Variants in FARS2 observed in about 807,000 individuals in gnomAD.
FARS2 encodes phenylalanine--tRNA ligase, mitochondrial.
Under a neutral mutation model 46.4 loss-of-function variants are expected in FARS2, and 40 were observed. The observed-to-expected ratio is 0.86, with a 90% CI of 0.67 to 1.12. FARS2 has a LOEUF of 1.12. FARS2 is among the 50% of genes most tolerant of loss of function. The pLI is 0.00. For synonymous variants in FARS2, 234 were observed against 214.9 expected (o/e 1.09, Z -0.78); for missense variants, 513 against 567.9 (o/e 0.90, Z 0.98).
At chr6:5,556,975 T>G (rs1561710892) in intron 5 of FARS2, among the ~76,000 whole-genome samples, 2 of 152,156 alleles carry the variant, frequency 1.3e-5, no homozygotes, top group African/African-American at 4.8e-5. Flanking sequence ...AGAGGGATAC[T>G]TTTATACTGC....
At chr6:5,301,653 A>G (rs1185633778) in intron 1 of FARS2, among the ~76,000 whole-genome samples, 9 of 152,320 alleles carry the variant, frequency 5.9e-5, no homozygotes, top group South Asian at 2.1e-4. Context: ...CATTGTCTCC[A>G]TGCAGAAAGT....
At chr6:5,480,688 C>T (rs994612020) in intron 4 of FARS2, among the ~76,000 whole-genome samples, 1 of 152,208 alleles carries the variant, frequency 6.6e-6, no homozygotes, top group African/African-American at 2.4e-5. Context: ...TCTTGCCTCT[C>T]TGCCACTCTG....
At chr6:5,614,972 C>G (rs948507299) in intron 6 of FARS2, among the ~76,000 whole-genome samples, 7 of 152,194 alleles carry the variant, frequency 4.6e-5, no homozygotes, top group Admixed American at 3.3e-4. Context: ...ATTGTCCTCT[C>G]AAGTTTAATT....
chr6:5,707,207 C>T (rs1336915609), intron 6 of FARS2, among the ~76,000 whole-genome samples: 1 of 152,136 alleles, frequency 6.6e-6, no homozygotes, highest in African/African-American at 2.4e-5. Context: ...GCAGCATGGA[C>T]CTACCCCAAG....
At chr6:5,605,816 A>G (rs1408110660) in intron 5 of FARS2, among the ~76,000 whole-genome samples, 1 of 152,242 alleles carries the variant, frequency 6.6e-6, no homozygotes, top group Non-Finnish European at 1.5e-5. Context: ...CAAAAAAGGA[A>G]AATTCTGAAT....
chr6:5,688,390 A>T (rs1757419467), intron 6 of FARS2, among the ~76,000 whole-genome samples: 1 of 152,182 alleles, frequency 6.6e-6, no homozygotes, highest in Non-Finnish European at 1.5e-5. Context: ...TACCTAATTT[A>T]TTGAGAGTTT....
chr6:5,368,233 A>G (rs1465993308), intron 1 of FARS2, among the ~76,000 whole-genome samples: 13 of 152,208 alleles, frequency 8.5e-5, no homozygotes, highest in Non-Finnish European at 7.3e-5. Context: ...TCGTGTTTAC[A>G]GTTTTTTTCC....
At chr6:5,436,478 C>T (rs1042749186) in intron 4 of FARS2, among the ~76,000 whole-genome samples, 1 of 152,226 alleles carries the variant, frequency 6.6e-6, no homozygotes, top group Non-Finnish European at 1.5e-5. Context: ...CTGTGCTGGA[C>T]AGAGGAAATT....
At chr6:5,452,138 G>T (rs2150269586) in intron 4 of FARS2, 1 of 152,468 alleles carries the variant, frequency 6.6e-6, no homozygotes, top group African/African-American at 2.4e-5. Flanking sequence ...TTGGGGTCCA[G>T]AGTGGCCTAA....
chr6:5,261,102 C>T, upstream of FARS2: 1 of 286,890 alleles, frequency 3.5e-6, no homozygotes, highest in Non-Finnish European at 5.4e-6. Context: ...AGCCAAGCTC[C>T]TGGCGGACGG....
intron 6 of FARS2, among the ~76,000 whole-genome samples, chr6:5,627,195 C>T (rs1162558502): frequency 6.6e-6 from 1 of 152,126 alleles, no homozygotes. Flanking sequence ...GACTGAAATG[C>T]CGTTGTGCAG....
At chr6:5,353,851 G>A (rs1429274162) in intron 1 of FARS2, among the ~76,000 whole-genome samples, 2 of 147,454 alleles carry the variant, frequency 1.4e-5, no homozygotes, top group Non-Finnish European at 3.0e-5. Flanking sequence ...ATTCCAGAGA[G>A]CTGTCCTTTC....
intron 1 of FARS2, among the ~76,000 whole-genome samples, chr6:5,306,987 C>G (rs186207430): frequency 6.4e-4 from 98 of 152,232 alleles, no homozygotes; most frequent in African/African-American, 2.3e-3. Flanking sequence ...TAAGACCCCT[C>G]CAACAGAATG....
chr6:5,658,949 C>T (rs547851869), intron 6 of FARS2, among the ~76,000 whole-genome samples: 4 of 152,356 alleles, frequency 2.6e-5, no homozygotes, highest in East Asian at 1.9e-4. Context: ...CGCCCCAACA[C>T]GAATGTTGGC....
chr6:5,664,805 T>C (rs1778026863), intron 6 of FARS2, among the ~76,000 whole-genome samples: 2 of 152,162 alleles, frequency 1.3e-5, no homozygotes, highest in South Asian at 4.1e-4. Context: ...TATCATTCAG[T>C]AGCTCAAGGG....
At chr6:5,680,309 C>T (rs185673105) in intron 6 of FARS2, among the ~76,000 whole-genome samples, 9 of 152,226 alleles carry the variant, frequency 5.9e-5, no homozygotes, top group South Asian at 2.1e-4. Flanking sequence ...AGAGTAGCCA[C>T]GGGTTAGGCA....
At chr6:5,554,613 T>A (rs756844071) in intron 5 of FARS2, among the ~76,000 whole-genome samples, 2 of 152,224 alleles carry the variant, frequency 1.3e-5, no homozygotes, top group African/African-American at 2.4e-5. Context: ...GAGGACCTTA[T>A]AATACTTGGC....
chr6:5,505,721 G>A (rs966008270), intron 4 of FARS2, among the ~76,000 whole-genome samples: 1 of 152,086 alleles, frequency 6.6e-6, no homozygotes, highest in African/African-American at 2.4e-5. Context: ...GAACAATCAT[G>A]TTTCTCAACT....
In FARS2 at chr6:5,301,301, A is replaced by G. The variant is rs139432175; in HGVS notation, c.-22+39641A>G. Among the ~76,000 whole-genome samples the G allele has an allele frequency of 5.8e-3, 887 of 152,268 alleles. 11 individuals carry two copies. Among genetic ancestry groups the G allele is most frequent in the African/African-American group, 0.02 (831 of 41,548 alleles). On this transcript the variant is annotated intron_variant, in intron 1 of 6. Transcript: ENST00000274680. ...TGGGAGTTTGAAATAAGATGGTAGC[A>G]AAGTTTGGGCATAGTGGCATGCACC...
Sources: gnomAD v4.1 joint callset for allele counts (sites outside exome capture counted in the v4.1 genomes callset) on GRCh38, gnomAD v4.1.1 for gene constraint, MANE v1.5 for transcripts, NCBI Gene and HGNC (gene_info 2026-07-23, HGNC 2026-07-21) for gene names.